ZEB1: variants seen among roughly 807,000 people sequenced by gnomAD.
ZEB1 encodes the protein zinc finger E-box-binding homeobox 1.
ZEB1 carries 21 observed loss-of-function variants against 84.9 expected under a neutral mutation model. The ratio of observed to expected loss-of-function variants is 0.25; its 90% CI spans 0.18 to 0.36. The LOEUF is 0.36. ZEB1 is among the 10% of genes least tolerant of loss of function. The probability of loss-of-function intolerance (pLI) is 1.00; values close to 1 mark genes in which losing one functional copy is unlikely to be tolerated. For synonymous variants in ZEB1, 420 were observed against 471.1 expected, an observed-to-expected ratio of 0.89 and a Z score of 1.41; for missense variants, 1,104 against 1,330.2, an observed-to-expected ratio of 0.83 and a Z score of 2.65.
In ZEB1 at chr10:31,521,801, T is replaced by C. The variant is rs1388095660; in HGVS notation, c.2469T>C (p.Ser823=). ...TCGTGGCCATTGCTGACCAGAACAG[T>C]GTTCCATGCTTAAGAGCGCTAGCTG... ...PTIVAIADQN[S]VPCLRALAAN... The change falls in exon 7 of 9, where the codon AGT becomes AGC. Residue 823 remains serine (S), a synonymous_variant. Coordinates refer to ENST00000424869, the MANE Select transcript of ZEB1 (RefSeq NM_001174096.2). 1.5e-5 allele frequency: 24 copies of C among 1,613,784 alleles called. No homozygotes were observed. Among genetic ancestry groups the C allele is most frequent in the Admixed American group, 6.7e-5 (4 of 59,968 alleles).
chr10:31,527,452 C>CACACAA lies in ZEB1; in HGVS notation c.*189_*190insCACAAA, dbSNP rs3221793. 4 of 682,806 alleles carry CACACAA rather than the reference C, an allele frequency of 5.9e-6. No homozygotes were observed. The highest frequency in any genetic ancestry group is 4.2e-5 in the South Asian group (2 of 47,474). 42.3% of individuals were successfully genotyped at this position (682,806 alleles called of 1,614,324 possible). A position where few individuals can be genotyped will look rare whatever the true frequency, so the allele number is the denominator to read the frequency against. ...ACACACACACACACACACACACACACAAAATAAATCCGGGTGTGCCTGAAC... is the reference window on the plus strand; with the variant it reads ...ACACACACACACACACACACACACACACACAAAAAATAAATCCGGGTGTGCCTGAAC... On this transcript the variant is annotated 3_prime_UTR_variant, in exon 9 of 9. Coordinates refer to ENST00000424869, the MANE Select transcript of ZEB1 (RefSeq NM_001174096.2).
intron 1 of ZEB1, among the ~76,000 whole-genome samples, chr10:31,352,150 T>C (rs1590197304): frequency 6.6e-6 from 1 of 152,198 alleles, no homozygotes; most frequent in South Asian, 2.1e-4. Flanking sequence ...TTTCAAACTT[T>C]TAAGCGTTGC....
At chr10:31,371,249 C>G (rs2045642785) in intron 1 of ZEB1, among the ~76,000 whole-genome samples, 1 of 151,838 alleles carries the variant, frequency 6.6e-6, no homozygotes, top group South Asian at 2.1e-4. Context: ...ACATCACAGC[C>G]ATTATGATTG....
At chr10:31,336,244 A>C (rs2038025526) in intron 1 of ZEB1, among the ~76,000 whole-genome samples, 1 of 152,204 alleles carries the variant, frequency 6.6e-6, no homozygotes, top group South Asian at 2.1e-4. Context: ...GATAATAGCA[A>C]GATACTCATT....
In ZEB1 at chr10:31,527,449, A is replaced by G. The variant is rs901414208; in HGVS notation, c.*185A>G. On this transcript the variant is annotated 3_prime_UTR_variant, in exon 9 of 9. Coordinates refer to ENST00000424869, the MANE Select transcript of ZEB1 (RefSeq NM_001174096.2). ...CACACACACACACACACACACACAC[A>G]CACAAAATAAATCCGGGTGTGCCTG... is the stretch of plus-strand genomic sequence containing the variant. 1.3e-6 allele frequency: 1 copy of G among 741,146 alleles called. No homozygotes were observed. Among genetic ancestry groups the G allele is most frequent in the Non-Finnish European group, 2.1e-6 (1 of 474,988 alleles). The allele number at this position is 741,146 out of a possible 1,614,324, so 45.9% of individuals were successfully genotyped here. A position where few individuals can be genotyped will look rare whatever the true frequency, so the allele number is the denominator to read the frequency against.
intron 1 of ZEB1, chr10:31,321,761 A>G (rs2034139794): frequency 1.7e-6 from 1 of 591,624 alleles, no homozygotes; most frequent in Non-Finnish European, 3.0e-6. Context: ...TCAACAGATG[A>G]CTTAAGGGGG....
chr10:31,495,011 G>A lies in ZEB1; in HGVS notation c.260-765G>A, dbSNP rs1207584438. On this transcript the variant is annotated intron_variant, in intron 2 of 8. Coordinates refer to ENST00000424869, the MANE Select transcript of ZEB1 (RefSeq NM_001174096.2). The stretch of plus-strand genomic sequence containing the variant: ...CATAATGCCTTAGGTGTTTACTTTG[G>A]GCACAGTAACATTTGGTCCAGTCAT... Among the ~76,000 whole-genome samples, 4 of 151,942 alleles carry A rather than the reference G, an allele frequency of 2.6e-5. 1 individual carries two copies. The highest frequency in any genetic ancestry group is 2.0e-4 in the Admixed American group (3 of 15,226).
chr10:31,497,550 T>C (rs985740028), intron 3 of ZEB1, among the ~76,000 whole-genome samples: 2 of 152,168 alleles, frequency 1.3e-5, no homozygotes, highest in African/African-American at 4.8e-5. Flanking sequence ...TGAGTGTAGC[T>C]TTAAAAGGAA....
intron 1 of ZEB1, chr10:31,358,227 AGAAG>A (rs2042418062): frequency 2.0e-5 from 3 of 152,234 alleles, no homozygotes; most frequent in African/African-American, 7.2e-5. Flanking sequence ...ATCATTAGGA[AGAAG>A]GAAGCGTTGG....
At chr10:31,382,212 A>G (rs1243082598) in intron 1 of ZEB1, among the ~76,000 whole-genome samples, 1 of 151,728 alleles carries the variant, frequency 6.6e-6, no homozygotes, top group Middle Eastern at 3.2e-3. Flanking sequence ...CAGCCCCTTT[A>G]CTAGTTTCAA....
intron 2 of ZEB1, among the ~76,000 whole-genome samples, chr10:31,467,704 C>G (rs1362611050): frequency 6.6e-6 from 1 of 152,176 alleles, no homozygotes; most frequent in Non-Finnish European, 1.5e-5. Context: ...GGGATGAGAT[C>G]TGTGGCCTGA....
intron 1 of ZEB1, among the ~76,000 whole-genome samples, chr10:31,327,470 G>A (rs569762146): frequency 1.3e-5 from 2 of 152,142 alleles, no homozygotes; most frequent in South Asian, 2.1e-4. Flanking sequence ...TATATGTACA[G>A]CTAGTTCATT....
intron 1 of ZEB1, among the ~76,000 whole-genome samples, chr10:31,458,336 T>G (rs952177338): frequency 8.2e-4 from 84 of 102,284 alleles, no homozygotes; most frequent in African/African-American, 1.3e-3. Context: ...TGTGTGTGTG[T>G]TGTGTGTGTG....
At chr10:31,358,721 G>T (rs2042513423) in intron 1 of ZEB1, 1 of 152,088 alleles carries the variant, frequency 6.6e-6, no homozygotes, top group South Asian at 2.1e-4. Flanking sequence ...AATTTTCTGT[G>T]TAGAAAATAC....
intron 2 of ZEB1, among the ~76,000 whole-genome samples, chr10:31,464,800 G>A (rs2062200308): frequency 1.3e-5 from 2 of 152,110 alleles, no homozygotes; most frequent in African/African-American, 2.4e-5. Flanking sequence ...CAGAAATGAA[G>A]AAGAAATACT....
intron 2 of ZEB1, among the ~76,000 whole-genome samples, chr10:31,480,370 C>G (rs986325687): frequency 6.6e-5 from 10 of 152,000 alleles, no homozygotes; most frequent in Non-Finnish European, 1.0e-4. Flanking sequence ...CAGTCACTAT[C>G]TAAGCCTTGA....
intron 1 of ZEB1, among the ~76,000 whole-genome samples, chr10:31,417,082 A>G (rs928682218): frequency 5.9e-5 from 9 of 152,198 alleles, no homozygotes; most frequent in East Asian, 3.9e-4. Context: ...AGGACCTACA[A>G]TGTGCCAACA....
chr10:31,417,036 A>G (rs2055330686), intron 1 of ZEB1, among the ~76,000 whole-genome samples: 1 of 152,120 alleles, frequency 6.6e-6, no homozygotes, highest in South Asian at 2.1e-4. Flanking sequence ...GCTCAAATAC[A>G]TTTAGTCATG....
intron 1 of ZEB1, among the ~76,000 whole-genome samples, chr10:31,384,992 G>A (rs1437707201): frequency 6.6e-6 from 1 of 152,108 alleles, no homozygotes; most frequent in Admixed American, 6.6e-5. Flanking sequence ...AAGGCTTACA[G>A]CATGTTGAAA....
Sources: allele counts gnomAD v4.1 joint callset (sites outside exome capture counted in the v4.1 genomes callset), GRCh38; gene constraint gnomAD v4.1.1; transcripts MANE v1.5; gene names NCBI Gene and HGNC (gene_info 2026-07-23, HGNC 2026-07-21).